ZSCAN20: variants seen among roughly 807,000 people sequenced by gnomAD.
ZSCAN20 encodes zinc finger and SCAN domain containing 20.
Under a neutral mutation model 97.1 loss-of-function variants are expected in ZSCAN20, and 39 were observed. That is an observed-to-expected ratio of 0.40 (90% CI 0.31 to 0.52). The LOEUF is 0.52. Among genes scored for constraint, ZSCAN20 ranks in the 20% least tolerant of loss-of-function variants. ZSCAN20 has a pLI of 0.49. For synonymous variants in ZSCAN20, 456 were observed against 467.3 expected (o/e 0.98, Z 0.31); for missense variants, 1,115 against 1,290.4 (o/e 0.86, Z 2.08).
rs1652721311 is a variant in ZSCAN20, at chr1:33,493,705, A to G, written c.1873+90A>G. 1.5e-6 allele frequency: 2 copies of G among 1,347,548 alleles called. No homozygotes were observed. Among genetic ancestry groups the G allele is most frequent in the Admixed American group, 2.3e-5 (1 of 43,412 alleles). 83.5% of individuals were successfully genotyped at this position (1,347,548 alleles called of 1,614,324 possible). A position where few individuals can be genotyped will look rare whatever the true frequency, so the allele number is the denominator to read the frequency against. On this transcript the variant is annotated intron_variant, in intron 7 of 7. Coordinates refer to ENST00000684572, the MANE Select transcript of ZSCAN20 (RefSeq NM_001377376.1). This position sits in a 1 kb window ranked among gnomAD's most constrained non-coding sequence, Gnocchi z 4.3. ...GCTCATTATCTTTTGTCTCTTAACT[A>G]AAAGAGAGAATGGGATTGAATGGGA...
At chr1:33,477,602 A>C (rs1651983398) in intron 1 of ZSCAN20, among the ~76,000 whole-genome samples, 1 of 151,010 alleles carries the variant, frequency 6.6e-6, no homozygotes, top group African/African-American at 2.4e-5. Context: ...AGAGACATGG[A>C]AATAAAAGAG....
chr1:33,495,573 G>T lies in ZSCAN20; in HGVS notation c.*97G>T. On this transcript the variant is annotated 3_prime_UTR_variant, in exon 8 of 8. Transcript: ENST00000684572. ...AAACTTTCCAATTTTTAAGCTTGGT[G>T]TGTACCCAGGGAAGTTATCTTGGTA... is the stretch of plus-strand genomic sequence containing the variant. 1 of 1,162,528 alleles carries T rather than the reference G, an allele frequency of 8.6e-7. No homozygotes were observed. 72.0% of individuals were successfully genotyped at this position (1,162,528 alleles called of 1,614,324 possible). A position where few individuals can be genotyped will look rare whatever the true frequency, so the allele number is the denominator to read the frequency against.
chr1:33,475,096 T>A (rs1270726423), intron 1 of ZSCAN20, among the ~76,000 whole-genome samples: 2 of 152,228 alleles, frequency 1.3e-5, no homozygotes, highest in East Asian at 3.9e-4. Flanking sequence ...CTTAATGTTC[T>A]TTCCATTCTC....
At chr1:33,478,731 G>A (rs1334482797) in intron 1 of ZSCAN20, among the ~76,000 whole-genome samples, 1 of 152,090 alleles carries the variant, frequency 6.6e-6, no homozygotes, top group Non-Finnish European at 1.5e-5. Flanking sequence ...CTTAGGAAGG[G>A]GGTGACATTT....
chr1:33,473,873 A>C (rs759346533), intron 1 of ZSCAN20, among the ~76,000 whole-genome samples: 4 of 152,196 alleles, frequency 2.6e-5, no homozygotes, highest in Non-Finnish European at 5.9e-5. Flanking sequence ...CCCAGTCTAG[A>C]GCAGTAAACA....
At chr1:33,489,433 C>A in intron 4 of ZSCAN20, 85 bp from the exon 5 acceptor site, 2 of 1,372,154 alleles carry the variant, frequency 1.5e-6, no homozygotes, top group Non-Finnish European at 1.0e-6. Context: ...CTGTTCCCAT[C>A]ATCTTTCCTG....
chr1:33,483,433 C>T (rs530665187), intron 2 of ZSCAN20, among the ~76,000 whole-genome samples: 3 of 152,094 alleles, frequency 2.0e-5, no homozygotes, highest in African/African-American at 4.8e-5. Context: ...ACCACACTGT[C>T]TTGATTACTA....
Position 33,491,805 on chromosome 1 carries a change from CCA to C in ZSCAN20, c.1444+105_1444+106del. On this transcript the variant is annotated intron_variant, in intron 6 of 7. Coordinates refer to ENST00000684572, the MANE Select transcript of ZSCAN20 (RefSeq NM_001377376.1). The surrounding 1 kb of genome is among the most constrained non-coding windows in gnomAD (Gnocchi z 4.3). Reference sequence around the variant, plus strand: ...CACAGGCTGCAAGTCTGGATTGAAGCCACTAGAGTGAAGAGCTACATTCCTTA... The same window carrying C: ...CACAGGCTGCAAGTCTGGATTGAAGCCTAGAGTGAAGAGCTACATTCCTTA... 1 of 1,222,020 alleles carries C rather than the reference CCA, an allele frequency of 8.2e-7. No individual in the cohort carries two copies. The highest frequency in any genetic ancestry group is 1.1e-6 in the Non-Finnish European group (1 of 886,730). The allele number at this position is 1,222,020 out of a possible 1,614,324, so 75.7% of individuals were successfully genotyped here.
chr1:33,482,298 A>G (rs553301097), intron 2 of ZSCAN20, among the ~76,000 whole-genome samples: 1 of 152,348 alleles, frequency 6.6e-6, no homozygotes, highest in South Asian at 2.1e-4. Flanking sequence ...CTTTTAAAAA[A>G]TGTTACATAG....
intron 4 of ZSCAN20, 35 bp downstream of exon 4, chr1:33,489,226 G>C: frequency 1.3e-6 from 2 of 1,598,402 alleles, no homozygotes; most frequent in Non-Finnish European, 1.7e-6. Flanking sequence ...TCCTGTCATT[G>C]CTGCTCCTGT....
chr1:33,494,457 C>T lies in ZSCAN20; in HGVS notation c.2113C>T (p.Leu705Phe). Residue 705 changes from leucine (L) to phenylalanine (F), a missense_variant, in exon 8 of 8, where the codon CTT becomes TTT. Physicochemically the swap from Leu to Phe is conservative, Grantham distance 22. Coordinates refer to ENST00000684572, the MANE Select transcript of ZSCAN20 (RefSeq NM_001377376.1). ...ACTTATTGACCATCAAGGCCTGTAC[C>T]TTGCAGAGAAACCCTACAAGTGTGA... ...EKLIDHQGLY[L>F]AEKPYKCDTC... The T allele has an allele frequency of 6.2e-7, 1 of 1,614,132 alleles. No homozygotes were observed. Among genetic ancestry groups the T allele is most frequent in the Middle Eastern group, 1.6e-4 (1 of 6,062 alleles).
At chr1:33,482,655 A>G (rs893531061) in intron 2 of ZSCAN20, among the ~76,000 whole-genome samples, 1 of 152,224 alleles carries the variant, frequency 6.6e-6, no homozygotes, top group African/African-American at 2.4e-5. Flanking sequence ...CCAAACTGTC[A>G]TCCAAAGTGG....
rs1273805916 is a variant in ZSCAN20 at position 33,495,810 on chromosome 1, A to ACT, written c.*338_*339dup. On this transcript the variant is annotated 3_prime_UTR_variant, in exon 8 of 8. Transcript: ENST00000684572. The stretch of plus-strand genomic sequence containing the variant: ...CAGTGGTCCTGAGCAGTGATTCCAA[A>ACT]CTCTCACTGTGCCTTCACACCATCC... The ACT allele has an allele frequency of 5.7e-6, 1 of 174,430 alleles. No individual in the cohort carries two copies. Among genetic ancestry groups the ACT allele is most frequent in the Non-Finnish European group, 1.2e-5 (1 of 82,706 alleles). 10.8% of individuals were successfully genotyped at this position (174,430 alleles called of 1,614,324 possible).
intron 1 of ZSCAN20, among the ~76,000 whole-genome samples, chr1:33,476,512 G>A (rs1228982718): frequency 2.6e-5 from 4 of 152,204 alleles, no homozygotes; most frequent in Non-Finnish European, 2.9e-5. Context: ...GTGCAGGAAC[G>A]CAAATGTCTT....
chr1:33,486,076 TG>T (rs1378662650), intron 2 of ZSCAN20, among the ~76,000 whole-genome samples: 1 of 152,200 alleles, frequency 6.6e-6, no homozygotes, highest in Non-Finnish European at 1.5e-5. Context: ...GGTTAGGCTT[TG>T]GTAAAATAGT....
At chr1:33,480,658 G>C (rs1319444106) in intron 2 of ZSCAN20, among the ~76,000 whole-genome samples, 1 of 152,108 alleles carries the variant, frequency 6.6e-6, no homozygotes, top group Admixed American at 6.5e-5. Flanking sequence ...TGCCAAATGG[G>C]TAAACAGAGA....
At chr1:33,487,941 T>G (rs1044245028) in intron 2 of ZSCAN20, among the ~76,000 whole-genome samples, 2 of 152,200 alleles carry the variant, frequency 1.3e-5, no homozygotes, top group Admixed American at 6.5e-5. Context: ...CATGAGCCAC[T>G]GCACCCAGCC....
At chr1:33,481,043 G>A (rs182957983) in intron 2 of ZSCAN20, among the ~76,000 whole-genome samples, 67 of 152,354 alleles carry the variant, frequency 4.4e-4, no homozygotes, top group Admixed American at 9.8e-4. Flanking sequence ...TCTATACAGT[G>A]TGAGGTTGGG....
rs753562820 is a variant in ZSCAN20 at position 33,493,634 on chromosome 1, G to C, written c.1873+19G>C. ...GACATGGGTAAGCCTGGAGTAATTG[G>C]ATGTTCTCAAAATCTGTGGGCATGT... On this transcript the variant is annotated intron_variant, in intron 7 of 7. Coordinates refer to ENST00000684572, the MANE Select transcript of ZSCAN20 (RefSeq NM_001377376.1). This position sits in a 1 kb window ranked among gnomAD's most constrained non-coding sequence, Gnocchi z 4.3. 18 of 1,527,782 alleles carry C rather than the reference G, an allele frequency of 1.2e-5. No individual in the cohort carries two copies. Among genetic ancestry groups the C allele is most frequent in the Non-Finnish European group, 1.5e-5 (17 of 1,139,000 alleles). 94.6% of individuals were successfully genotyped at this position (1,527,782 alleles called of 1,614,324 possible).
Sources: gnomAD v4.1 joint callset for allele counts (sites outside exome capture counted in the v4.1 genomes callset) on GRCh38, gnomAD v4.1.1 for gene constraint, Gnocchi (gnomAD v3.1) non-coding constraint, MANE v1.5 for transcripts, NCBI Gene and HGNC (gene_info 2026-07-23, HGNC 2026-07-21) for gene names.